SH2D4B: variants seen among roughly 807,000 people sequenced by gnomAD.
The protein encoded by SH2D4B is SH2 domain-containing protein 4B.
Under a neutral mutation model 61.5 loss-of-function variants are expected in SH2D4B, and 45 were observed. That is an observed-to-expected ratio of 0.73 (90% CI 0.58 to 0.94). The LOEUF (loss-of-function observed/expected upper bound fraction) is 0.94, where lower values mean the gene tolerates loss of function less well. Among genes scored for constraint, SH2D4B ranks in the 40% least tolerant of loss-of-function variants. The pLI, the probability that SH2D4B is intolerant of heterozygous loss-of-function variation, is 0.00. For synonymous variants in SH2D4B, 224 were observed against 220.4 expected (o/e 1.02, Z -0.14); for missense variants, 572 against 574.2 (o/e 1.00, Z 0.04).
chr10:80,633,072 C>T (rs1842850229), intron 6 of SH2D4B, among the ~76,000 whole-genome samples: 1 of 151,752 alleles, frequency 6.6e-6, no homozygotes, highest in Non-Finnish European at 1.5e-5. Context: ...AGGGAAGTCT[C>T]GAGTGTGCCC....
Position 80,561,290 on chromosome 10 carries a change from T to G in SH2D4B, c.185-8864T>G, listed in dbSNP as rs1841899652. 2.6e-5 allele frequency among the ~76,000 whole-genome samples: 4 copies of G among 152,216 alleles called. No individual in the cohort carries two copies. In the South Asian group the frequency reaches 8.3e-4, roughly 32 times the overall value. ...TCAGCTTTAAAGCAAAAATTAAAAT[T>G]TTTGGAAAACTTGTGTCTGCCACAA... On this transcript the variant is annotated intron_variant, in intron 1 of 7. Transcript: ENST00000646907.
chr10:80,625,176 T>C (rs1842757014), intron 6 of SH2D4B, among the ~76,000 whole-genome samples: 2 of 150,102 alleles, frequency 1.3e-5, no homozygotes, highest in Admixed American at 1.3e-4. Context: ...ATTGAGAACG[T>C]TTTTTTTTCT....
chr10:80,609,319 T>A, intron 5 of SH2D4B, 105 bp from the exon 6 acceptor site: 26 of 696,006 alleles, frequency 3.7e-5, no homozygotes, highest in East Asian at 5.7e-5. Context: ...CTCCTCCTCC[T>A]TTTACCTTCC....
intron 3 of SH2D4B, among the ~76,000 whole-genome samples, chr10:80,574,746 G>A (rs1056751111): frequency 6.6e-6 from 1 of 151,996 alleles, no homozygotes; most frequent in Non-Finnish European, 1.5e-5. Flanking sequence ...TGTTGTCCAG[G>A]CTGGAGTGCA....
chr10:80,600,181 G>A (rs763480822), intron 4 of SH2D4B, among the ~76,000 whole-genome samples: 22 of 152,134 alleles, frequency 1.4e-4, no homozygotes, highest in Non-Finnish European at 2.8e-4. Context: ...AAGATCACAC[G>A]GAGCAGAATT....
At chr10:80,580,726 T>C (rs1283899896) in intron 3 of SH2D4B, among the ~76,000 whole-genome samples, 2 of 152,204 alleles carry the variant, frequency 1.3e-5, no homozygotes, top group Non-Finnish European at 2.9e-5. Context: ...TTTGTCTTGA[T>C]GACATTTTCC....
intron 1 of SH2D4B, among the ~76,000 whole-genome samples, chr10:80,568,370 T>C (rs551906577): frequency 1.3e-5 from 2 of 152,198 alleles, no homozygotes; most frequent in Non-Finnish European, 2.9e-5. Flanking sequence ...AGCTGTGCAG[T>C]CCAGGGAAAG....
intron 4 of SH2D4B, among the ~76,000 whole-genome samples, chr10:80,600,598 A>G (rs1842441626): frequency 6.6e-6 from 1 of 152,026 alleles, no homozygotes; most frequent in Admixed American, 6.6e-5. Flanking sequence ...GAAAGTAGGC[A>G]GGGCACTTCT....
At chr10:80,612,215 T>C (rs1842611440) in intron 6 of SH2D4B, among the ~76,000 whole-genome samples, 2 of 133,006 alleles carry the variant, frequency 1.5e-5, no homozygotes, top group South Asian at 4.6e-4. Context: ...TACTCACTTA[T>C]AAAATCCCAA....
chr10:80,587,088 T>G (rs1352979485), intron 3 of SH2D4B, among the ~76,000 whole-genome samples: 1 of 150,230 alleles, frequency 6.7e-6, no homozygotes, highest in African/African-American at 2.5e-5. Flanking sequence ...GCGGCTTCAT[T>G]CTTGAAGTCA....
intron 2 of SH2D4B, among the ~76,000 whole-genome samples, chr10:80,570,605 C>T (rs1159176168): frequency 6.6e-6 from 1 of 152,178 alleles, no homozygotes; most frequent in African/African-American, 2.4e-5. Flanking sequence ...CTCACACCCA[C>T]CACCTAATGT....
At chr10:80,635,954 CA>C (rs370579245) in intron 7 of SH2D4B, among the ~76,000 whole-genome samples, 20 of 152,172 alleles carry the variant, frequency 1.3e-4, no homozygotes, top group African/African-American at 4.8e-4. Context: ...CCCCTTCCCC[CA>C]ACCGCACAAC....
chr10:80,640,717 C>T (rs193087714), intron 7 of SH2D4B, among the ~76,000 whole-genome samples: 2 of 152,046 alleles, frequency 1.3e-5, no homozygotes, highest in Admixed American at 1.3e-4. Context: ...TTTTAGCTTC[C>T]TTGCGATGGG....
chr10:80,545,099 A>G (rs1222339852), intron 1 of SH2D4B, among the ~76,000 whole-genome samples: 1 of 152,250 alleles, frequency 6.6e-6, no homozygotes, highest in African/African-American at 2.4e-5. Context: ...TAAAATACAC[A>G]TAACATGAAA....
At position 80,538,364 on chromosome 10, in the gene SH2D4B, C is replaced by T. The variant is rs1241701026; in HGVS notation, c.33C>T (p.Ile11=). MLQQILHDMY[I]DPELLAELSD... ...AGCAGATCCTGCACGACATGTACAT[C>T]GACCCCGAGCTCCTTGCCGAGCTCA... Residue 11 remains isoleucine (I), a synonymous_variant, in exon 1 of 8, where the codon ATC becomes ATT. Coordinates refer to ENST00000646907, the MANE Select transcript of SH2D4B (RefSeq NM_001388272.1). This position sits in a 1 kb window ranked among gnomAD's most constrained non-coding sequence, Gnocchi z 4.8. 2.7e-5 allele frequency: 37 copies of T among 1,393,574 alleles called. No homozygotes were observed. Among genetic ancestry groups the T allele is most frequent in the African/African-American group, 5.9e-5 (4 of 67,416 alleles). The allele number at this position is 1,393,574 out of a possible 1,614,324, so 86.3% of individuals were successfully genotyped here.
At chr10:80,562,887 A>ATTTTTTTT (rs1223682186) in intron 1 of SH2D4B, among the ~76,000 whole-genome samples, 1 of 122,148 alleles carries the variant, frequency 8.2e-6, no homozygotes. Context: ...GATGCTGAAC[A>ATTTTTTTT]TTTTTTCTTT....
chr10:80,620,637 C>T (rs1286779002), intron 6 of SH2D4B, among the ~76,000 whole-genome samples: 2 of 152,150 alleles, frequency 1.3e-5, no homozygotes, highest in African/African-American at 4.8e-5. Context: ...ATGCTGCATC[C>T]CTATCCCAGC....
chr10:80,587,730 A>C (rs762821996), intron 3 of SH2D4B, among the ~76,000 whole-genome samples: 1 of 152,078 alleles, frequency 6.6e-6, no homozygotes, highest in Non-Finnish European at 1.5e-5. Flanking sequence ...TTTTTTAGTC[A>C]TTCCCCGTCT....
chr10:80,610,525 T>G (rs114103277), intron 6 of SH2D4B, among the ~76,000 whole-genome samples: 1,708 of 152,116 alleles, frequency 0.011, 36 homozygotes, highest in African/African-American at 0.039. Context: ...CATGTGAGGG[T>G]CAGATGAGCC....
Sources: allele counts gnomAD v4.1 joint callset (sites outside exome capture counted in the v4.1 genomes callset), GRCh38; gene constraint gnomAD v4.1.1; non-coding constraint Gnocchi (gnomAD v3.1); transcripts MANE v1.5; gene names NCBI Gene and HGNC (gene_info 2026-07-23, HGNC 2026-07-21).